ATP13A3: variants seen among roughly 807,000 people sequenced by gnomAD.
The protein encoded by ATP13A3 is polyamine-transporting ATPase 13A3.
Under a neutral mutation model 158.1 loss-of-function variants are expected in ATP13A3, and 59 were observed. The ratio of observed to expected loss-of-function variants is 0.37; its 90% confidence interval spans 0.30 to 0.46. ATP13A3 has a LOEUF of 0.46. ATP13A3 is among the 20% of genes least tolerant of loss of function. The pLI is 1.00. For synonymous variants in ATP13A3, 491 were observed against 504.3 expected, an observed-to-expected ratio of 0.97 and a Z score of 0.35; for missense variants, 1,166 against 1,525.2, an observed-to-expected ratio of 0.76 and a Z score of 3.92.
intron 28 of ATP13A3, among the ~76,000 whole-genome samples, chr3:194,427,667 A>AAAT (rs1716893234): frequency 1.3e-5 from 2 of 149,222 alleles, no homozygotes; most frequent in South Asian, 4.2e-4. Context: ...ATAAATAAAT[A>AAAT]AATAAATAAA....
In ATP13A3 at chr3:194,438,879, T is replaced by G; in HGVS notation, c.1804A>C (p.Thr602Pro). ...ACCATTTCTTGGTTTCCTGCAGGGGTAGATTCAGGAAGCAGTTGTTTGGGA... is the reference window on the plus strand; with the variant it reads ...ACCATTTCTTGGTTTCCTGCAGGGGGAGATTCAGGAAGCAGTTGTTTGGGA... Reference protein sequence around the residue: ...RPPKQLLPESTPAGNQEMELF... With the variant: ...RPPKQLLPESPPAGNQEMELF... The change falls in exon 17 of 34, where the codon ACC becomes CCC. Residue 602 changes from threonine (T) to proline (P), a missense_variant. By Grantham distance (38) the Thr-to-Pro change is conservative. Coordinates refer to ENST00000645319, the MANE Select transcript of ATP13A3 (RefSeq NM_001367549.1). 1 of 1,601,646 alleles carries G rather than the reference T, an allele frequency of 6.2e-7. No homozygotes were observed. The highest frequency in any genetic ancestry group is 1.1e-5 in the South Asian group (1 of 89,924).
intron 10 of ATP13A3, among the ~76,000 whole-genome samples, chr3:194,453,280 T>TAAA (rs35230118): frequency 7.9e-5 from 8 of 100,950 alleles, no homozygotes; most frequent in East Asian, 2.8e-4. Flanking sequence ...ACATCGACTT[T>TAAA]AAAAAAAAAA....
upstream of ATP13A3, chr3:194,487,775 C>G (rs912255095): frequency 6.6e-6 from 1 of 152,302 alleles, no homozygotes. Flanking sequence ...CTGCGGCCAT[C>G]TTTCCGCCTG....
intron 16 of ATP13A3, among the ~76,000 whole-genome samples, chr3:194,439,967 TA>T: frequency 6.6e-6 from 1 of 152,306 alleles, no homozygotes; most frequent in South Asian, 2.1e-4. Flanking sequence ...TTTTCAGAAT[TA>T]AACTTCAAGA....
intron 2 of ATP13A3, among the ~76,000 whole-genome samples, chr3:194,485,176 G>C (rs1348368100): frequency 6.6e-6 from 1 of 152,090 alleles, no homozygotes; most frequent in African/African-American, 2.4e-5. Context: ...TTCACTCTCT[G>C]CCTGATCTAA....
chr3:194,412,338 T>C, intron 32 of ATP13A3, 50 bp from the exon 33 acceptor site: 1 of 1,381,640 alleles, frequency 7.2e-7, no homozygotes, highest in South Asian at 1.2e-5. Flanking sequence ...AAGTCATTTT[T>C]TATTAATGTG....
rs976840823 is a variant in ATP13A3, at chr3:194,448,848, C to T, written c.971-212G>A. ...CACATAGAAGTATCAAATATTATCT[C>T]CCACAATAATTCCAGAAAGTGATTT... On this transcript the variant is annotated intron_variant, in intron 11 of 33. Transcript: ENST00000645319. The surrounding 1 kb of genome is among the most constrained non-coding windows in gnomAD (Gnocchi z 4.0). 2.0e-5 allele frequency among the ~76,000 whole-genome samples: 3 copies of T among 152,084 alleles called. No homozygotes were observed. The highest frequency in any genetic ancestry group is 4.4e-5 in the Non-Finnish European group (3 of 68,022).
intron 2 of ATP13A3, among the ~76,000 whole-genome samples, chr3:194,471,667 A>G (rs1351335048): frequency 6.6e-6 from 1 of 152,218 alleles, no homozygotes. Context: ...AATTATTTTT[A>G]TCAAACTAAT....
At chr3:194,476,781 C>A (rs76340666) in intron 2 of ATP13A3, among the ~76,000 whole-genome samples, 10 of 119,712 alleles carry the variant, frequency 8.4e-5, no homozygotes, top group African/African-American at 3.3e-4. Flanking sequence ...TTTTTTTTTT[C>A]AAAACAATTA....
chr3:194,441,533 T>C (rs1343929390), intron 15 of ATP13A3, 72 bp from the exon 16 acceptor site: 14 of 1,381,864 alleles, frequency 1.0e-5, no homozygotes, highest in Non-Finnish European at 1.4e-5. Context: ...AGGGCTTTTC[T>C]GGTTTTGTAA....
chr3:194,427,624 C>T (rs1328454966), intron 28 of ATP13A3, among the ~76,000 whole-genome samples: 1 of 145,860 alleles, frequency 6.9e-6, no homozygotes, highest in Non-Finnish European at 1.5e-5. Context: ...CATAGTGAAA[C>T]CCCATCTCTA....
Position 194,447,007 on chromosome 3 carries a change from G to A in ATP13A3, c.1417C>T (p.Leu473=), listed in dbSNP as rs111228869. The A allele has an allele frequency of 3.1e-6, 5 of 1,613,196 alleles. No homozygotes were observed. In the African/African-American group the frequency reaches 5.3e-5, roughly 17 times the overall value. ...ATACAGAAAATACCGATTTTTTTCA[G>A]TCTTCTCTGAGCATACACAATACCA... The part of the protein sequence containing the change: ...TAGIVYAQRR[L]KKIGIFCISP... The change falls in exon 14 of 34, where the codon CTG becomes TTG. Residue 473 remains leucine, a synonymous_variant. Transcript: ENST00000645319.
intron 33 of ATP13A3, among the ~76,000 whole-genome samples, chr3:194,407,414 T>C (rs749591873): frequency 6.6e-6 from 1 of 152,218 alleles, no homozygotes; most frequent in Non-Finnish European, 1.5e-5. Flanking sequence ...TGTTTCTAAA[T>C]TGGCCAATGG....
chr3:194,468,894 T>C (rs2109011205), intron 2 of ATP13A3, among the ~76,000 whole-genome samples: 1 of 152,304 alleles, frequency 6.6e-6, no homozygotes, highest in Middle Eastern at 3.4e-3. Flanking sequence ...AAATGCATTA[T>C]TCACCGAGGC....
chr3:194,447,218 T>C, intron 13 of ATP13A3, 103 bp from the exon 14 acceptor site: 2 of 1,003,464 alleles, frequency 2.0e-6, no homozygotes, highest in Non-Finnish European at 2.9e-6. Flanking sequence ...CAATTGTATA[T>C]TTCAATTTTA....
At chr3:194,421,575 G>A (rs1716381770) in intron 30 of ATP13A3, among the ~76,000 whole-genome samples, 1 of 149,512 alleles carries the variant, frequency 6.7e-6, no homozygotes, top group African/African-American at 2.5e-5. Flanking sequence ...AAAAAAAAGT[G>A]GGACTCATAT....
At position 194,457,099 on chromosome 3, in the gene ATP13A3, G is replaced by C. The variant is rs748033855; in HGVS notation, c.555C>G (p.Ala185=). The C allele has an allele frequency of 1.3e-5, 21 of 1,610,804 alleles. No individual in the cohort carries two copies. In the Admixed American group the frequency reaches 3.5e-4, roughly 27 times the overall value. The part of the protein sequence containing the change: ...HSAGLTKGMH[A]YRKLLYGVNE... The stretch of plus-strand genomic sequence containing the variant: ...TTTAGTTGGATAAAAATTACCTGTA[G>C]GCATGCATCCCCTTTGTCAGTCCTG... Residue 185 remains alanine (A), a synonymous_variant, in exon 7 of 34, where the codon GCC becomes GCG. Coordinates refer to ENST00000645319, the MANE Select transcript of ATP13A3 (RefSeq NM_001367549.1).
At chr3:194,415,403 G>A (rs889695633) in intron 31 of ATP13A3, among the ~76,000 whole-genome samples, 1 of 152,160 alleles carries the variant, frequency 6.6e-6, no homozygotes, top group East Asian at 1.9e-4. Flanking sequence ...TGTGCACCAG[G>A]AGAGAAATAT....
rs866838496 is a variant in ATP13A3 at position 194,466,112 on chromosome 3, G to C, written c.-46-3876C>G. The stretch of plus-strand genomic sequence containing the variant: ...TAACATGCCACTAAAACAGTACTTA[G>C]AAAAAAATTTATAGCACTAAATTCC... On this transcript the variant is annotated intron_variant, in intron 2 of 33. Transcript: ENST00000645319. 5.3e-5 allele frequency among the ~76,000 whole-genome samples: 8 copies of C among 152,052 alleles called. No homozygotes were observed. The South Asian group carries it at 1.7e-3, about 32-fold the overall frequency.
Sources: allele counts gnomAD v4.1 joint callset (sites outside exome capture counted in the v4.1 genomes callset), GRCh38; gene constraint gnomAD v4.1.1; non-coding constraint Gnocchi (gnomAD v3.1); transcripts MANE v1.5; gene names NCBI Gene and HGNC (gene_info 2026-07-23, HGNC 2026-07-21).